Variants in RGS6 observed in about 807,000 individuals in gnomAD.
The protein encoded by RGS6 is regulator of G-protein signaling 6.
A neutral mutation model predicts 78.5 loss-of-function variants in RGS6; 30 were observed. The observed-to-expected ratio is 0.38, with a 90% CI of 0.29 to 0.52. The LOEUF is 0.52. Ranked by LOEUF, RGS6 falls within the 20% of genes least tolerant of loss-of-function variation. The pLI is 0.85. For missense variants in RGS6, 495 were observed against 609.7 expected, an observed-to-expected ratio of 0.81 and a Z score of 1.98; for synonymous variants, 206 against 206.0, an observed-to-expected ratio of 1.00 and a Z score of 0.00.
the RGS6 span, among the ~76,000 whole-genome samples, chr14:71,896,642 A>T: frequency 1.3e-5 from 2 of 152,122 alleles, no homozygotes; most frequent in Non-Finnish European, 2.9e-5. Context: ...CCTATTCAAG[A>T]TGGAGTTGCT....
intron 2 of RGS6, among the ~76,000 whole-genome samples, chr14:72,078,546 TG>T (rs1299041209): frequency 1.3e-5 from 2 of 152,172 alleles, no homozygotes; most frequent in African/African-American, 4.8e-5. Context: ...CCCAAGTAGC[TG>T]GGATTACAGG....
chr14:72,505,290 G>A (rs2096785352), intron 13 of RGS6, among the ~76,000 whole-genome samples: 2 of 152,176 alleles, frequency 1.3e-5, no homozygotes, highest in African/African-American at 2.4e-5. Context: ...CTGGAGCTAG[G>A]AAGTCCAAGA....
At chr14:72,310,258 A>G (rs573284407) in intron 2 of RGS6, among the ~76,000 whole-genome samples, 2 of 152,220 alleles carry the variant, frequency 1.3e-5, no homozygotes, top group Non-Finnish European at 2.9e-5. Context: ...GCCTGGCACT[A>G]GAGATACAGC....
chr14:72,386,902 T>C (rs112458011), intron 3 of RGS6, among the ~76,000 whole-genome samples: 3,596 of 152,204 alleles, frequency 0.024, 67 homozygotes, highest in Admixed American at 0.07. Context: ...TTTCCTGGGG[T>C]GCTGGGGGTA....
rs185544736 is a variant in RGS6 at position 72,063,153 on chromosome 14, C to T, written c.84+98278C>T. On this transcript the variant is annotated intron_variant, in intron 2 of 17. Coordinates refer to ENST00000553525, the MANE Select transcript of RGS6 (RefSeq NM_001204424.2). Reference sequence around the variant, plus strand: ...GAAATTCTTGAGGAAAGGAGGGTACCGAGAGGAGAAAAGATGTTGAAGAAC... The same window carrying T: ...GAAATTCTTGAGGAAAGGAGGGTACTGAGAGGAGAAAAGATGTTGAAGAAC... Among the ~76,000 whole-genome samples, 812 of 152,018 alleles carry T rather than the reference C, an allele frequency of 5.3e-3. 7 individuals are homozygous for T. The highest frequency in any genetic ancestry group is 6.8e-3 in the Non-Finnish European group (463 of 67,966).
At chr14:71,952,098 CACG>C (rs978807154) in intron 1 of RGS6, among the ~76,000 whole-genome samples, 1 of 152,030 alleles carries the variant, frequency 6.6e-6, no homozygotes, top group Admixed American at 6.6e-5. Context: ...TTCTAATTAT[CACG>C]ACTTGTATTT....
intron 2 of RGS6, among the ~76,000 whole-genome samples, chr14:72,128,839 C>T (rs1193550761): frequency 2.0e-5 from 3 of 152,174 alleles, no homozygotes; most frequent in Non-Finnish European, 1.5e-5. Context: ...TCCGTATTAG[C>T]CCTGGTACGC....
intron 2 of RGS6, among the ~76,000 whole-genome samples, chr14:72,252,531 C>A (rs993512122): frequency 1.3e-5 from 2 of 152,210 alleles, no homozygotes; most frequent in Non-Finnish European, 2.9e-5. Context: ...CTGCTCCCAT[C>A]TCCCTGTTAG....
At chr14:72,558,804 G>A (rs943238804) in intron 17 of RGS6, among the ~76,000 whole-genome samples, 6 of 152,134 alleles carry the variant, frequency 3.9e-5, no homozygotes, top group Non-Finnish European at 7.3e-5. Flanking sequence ...GCACTTTGTC[G>A]GTATGCAAAG....
At chr14:72,444,349 A>T (rs2095302838) in intron 3 of RGS6, among the ~76,000 whole-genome samples, 1 of 146,896 alleles carries the variant, frequency 6.8e-6, no homozygotes, top group Admixed American at 6.7e-5. Flanking sequence ...AGAATGGGGA[A>T]GTGCACAGTC....
chr14:72,411,989 T>C (rs2093449088), intron 3 of RGS6, among the ~76,000 whole-genome samples: 1 of 152,194 alleles, frequency 6.6e-6, no homozygotes, highest in Non-Finnish European at 1.5e-5. Context: ...CCGAGAATTT[T>C]TGCATCAGTG....
intron 14 of RGS6, among the ~76,000 whole-genome samples, chr14:72,514,727 C>T (rs559200888): frequency 6.6e-5 from 10 of 152,218 alleles, no homozygotes; most frequent in East Asian, 5.8e-4. Flanking sequence ...CCAGTCACAA[C>T]GGCCCTTCTG....
chr14:72,205,701 G>T (rs972219180), intron 2 of RGS6, among the ~76,000 whole-genome samples: 7 of 152,202 alleles, frequency 4.6e-5, no homozygotes, highest in African/African-American at 1.7e-4. Context: ...GAGTATTTTG[G>T]AAGGACTGTT....
intron 3 of RGS6, among the ~76,000 whole-genome samples, chr14:72,423,038 C>T (rs2094268621): frequency 6.6e-6 from 1 of 152,144 alleles, no homozygotes; most frequent in Non-Finnish European, 1.5e-5. Flanking sequence ...AAAAGACTAT[C>T]AAGAGTAGAA....
At chr14:72,019,261 G>A (rs892034126) in intron 2 of RGS6, among the ~76,000 whole-genome samples, 1 of 152,136 alleles carries the variant, frequency 6.6e-6, no homozygotes, top group African/African-American at 2.4e-5. Context: ...ATAACAGTGG[G>A]TGTCAAGTGT....
At chr14:71,936,947 G>C (rs1594891794) in intron 1 of RGS6, among the ~76,000 whole-genome samples, 2 of 152,172 alleles carry the variant, frequency 1.3e-5, no homozygotes, top group African/African-American at 4.8e-5. Flanking sequence ...CCCTGGTGGA[G>C]TGACCCAAAC....
At chr14:71,940,790 A>C (rs1252404894) in intron 1 of RGS6, among the ~76,000 whole-genome samples, 1 of 152,182 alleles carries the variant, frequency 6.6e-6, no homozygotes, top group Non-Finnish European at 1.5e-5. Flanking sequence ...TGCCCTCCCA[A>C]GTCTATTTTG....
chr14:72,143,298 A>C (rs1354868667), intron 2 of RGS6, among the ~76,000 whole-genome samples: 1 of 152,002 alleles, frequency 6.6e-6, no homozygotes. Flanking sequence ...GCTTGAACCC[A>C]AGAGGCAGAG....
At chr14:72,101,238 C>A (rs2095521615) in intron 2 of RGS6, among the ~76,000 whole-genome samples, 1 of 152,314 alleles carries the variant, frequency 6.6e-6, no homozygotes, top group South Asian at 2.1e-4. Context: ...CCAGGTCTGA[C>A]AGCCACTGCT....
Sources: gnomAD v4.1 joint callset for allele counts (sites outside exome capture counted in the v4.1 genomes callset) on GRCh38, gnomAD v4.1.1 for gene constraint, MANE v1.5 for transcripts, NCBI Gene and HGNC (gene_info 2026-07-23, HGNC 2026-07-21) for gene names.